The following RPS6KC1 variants were observed in gnomAD, a reference collection of about 807,000 sequenced individuals.
RPS6KC1 encodes the protein ribosomal protein S6 kinase C1.
In RPS6KC1, 54 loss-of-function variants were observed where a neutral mutation model predicts 103.8. That is an observed-to-expected ratio of 0.52 (90% CI 0.42 to 0.65). RPS6KC1 has a LOEUF of 0.65. RPS6KC1 is among the 30% of genes least tolerant of loss of function. The pLI is 0.00. For synonymous variants in RPS6KC1, 439 were observed against 438.7 expected, an observed-to-expected ratio of 1.00 and a Z score of -0.01; for missense variants, 1,151 against 1,253.8, an observed-to-expected ratio of 0.92 and a Z score of 1.24.
chr1:213,368,653 AG>A, the RPS6KC1 span, among the ~76,000 whole-genome samples: 1 of 152,184 alleles, frequency 6.6e-6, no homozygotes, highest in Non-Finnish European at 1.5e-5. Flanking sequence ...AGTTGACTGA[AG>A]CTGTAGCTTT....
the RPS6KC1 span, among the ~76,000 whole-genome samples, chr1:213,373,970 A>C: frequency 3.3e-5 from 5 of 152,256 alleles, no homozygotes; most frequent in Admixed American, 2.0e-4. Context: ...TTCTTGTTTC[A>C]TAGAGAGGTA....
the RPS6KC1 span, among the ~76,000 whole-genome samples, chr1:213,698,462 T>C: frequency 6.6e-6 from 1 of 152,228 alleles, no homozygotes; most frequent in South Asian, 2.1e-4. Context: ...TTCATTATCC[T>C]CTGGGATTGA....
chr1:213,253,503 A>G (rs2094580200), intron 12 of RPS6KC1, among the ~76,000 whole-genome samples: 1 of 152,196 alleles, frequency 6.6e-6, no homozygotes, highest in African/African-American at 2.4e-5. Flanking sequence ...CTTTATGGAA[A>G]CGTTTTCGAT....
intron 3 of RPS6KC1, among the ~76,000 whole-genome samples, chr1:213,080,640 C>T (rs138093038): frequency 1.8e-3 from 268 of 152,146 alleles, no homozygotes; most frequent in African/African-American, 6.0e-3. Flanking sequence ...TGGTGCAGTC[C>T]CACAGCCTCC....
chr1:213,622,317 C>T, the RPS6KC1 span, among the ~76,000 whole-genome samples: 7 of 150,292 alleles, frequency 4.7e-5, no homozygotes, highest in Non-Finnish European at 7.4e-5. Flanking sequence ...TTTTGCCAGT[C>T]GTGGAGGCCA....
intron 8 of RPS6KC1, among the ~76,000 whole-genome samples, chr1:213,178,144 C>T (rs2092007163): frequency 6.6e-6 from 1 of 151,356 alleles, no homozygotes; most frequent in East Asian, 1.9e-4. Context: ...CGTGGTCATG[C>T]CTCTGCACTC....
intron 2 of RPS6KC1, among the ~76,000 whole-genome samples, chr1:213,075,634 G>A (rs1458066049): frequency 6.6e-6 from 1 of 152,140 alleles, no homozygotes; most frequent in Non-Finnish European, 1.5e-5. Flanking sequence ...TGCTTCCTTA[G>A]TGTTCACTTC....
chr1:213,755,066 C>G, the RPS6KC1 span, among the ~76,000 whole-genome samples: 1 of 152,064 alleles, frequency 6.6e-6, no homozygotes, highest in African/African-American at 2.4e-5. Flanking sequence ...AGGTGATAGT[C>G]ATTATTAGGA....
the RPS6KC1 span, among the ~76,000 whole-genome samples, chr1:213,457,390 G>A: frequency 6.6e-6 from 1 of 152,234 alleles, no homozygotes; most frequent in Non-Finnish European, 1.5e-5. Flanking sequence ...TCCAGGGAAG[G>A]CCTATGGCAG....
the RPS6KC1 span, chr1:213,817,765 C>G: frequency 6.6e-6 from 1 of 151,906 alleles, no homozygotes; most frequent in African/African-American, 2.4e-5. Flanking sequence ...TTTTATTACA[C>G]TTTTCTTTAT....
chr1:213,669,104 A>G, the RPS6KC1 span, among the ~76,000 whole-genome samples: 1 of 152,058 alleles, frequency 6.6e-6, no homozygotes, highest in East Asian at 1.9e-4. Flanking sequence ...TGTGCTTTTA[A>G]TTTCCTTCAA....
At chr1:213,453,135 G>A in the RPS6KC1 span, among the ~76,000 whole-genome samples, 1 of 151,988 alleles carries the variant, frequency 6.6e-6, no homozygotes, top group Non-Finnish European at 1.5e-5. Flanking sequence ...GAAAGCATCT[G>A]GGTATACTTC....
the RPS6KC1 span, among the ~76,000 whole-genome samples, chr1:213,670,902 C>G: frequency 6.6e-6 from 1 of 152,210 alleles, no homozygotes; most frequent in African/African-American, 2.4e-5. Flanking sequence ...GTTTCCTCAA[C>G]AGTCTTGTGG....
the RPS6KC1 span, among the ~76,000 whole-genome samples, chr1:213,579,024 G>A: frequency 6.6e-6 from 1 of 152,034 alleles, no homozygotes; most frequent in African/African-American, 2.4e-5. Context: ...ATGTGTCGTG[G>A]GAGGGACCCT....
chr1:213,137,973 T>G (rs2086578451), intron 6 of RPS6KC1, among the ~76,000 whole-genome samples: 1 of 151,254 alleles, frequency 6.6e-6, no homozygotes, highest in African/African-American at 2.4e-5. Context: ...CATGGTATCT[T>G]TGTTTCCTAG....
chr1:213,782,961 T>C, the RPS6KC1 span, among the ~76,000 whole-genome samples: 3 of 152,188 alleles, frequency 2.0e-5, no homozygotes, highest in African/African-American at 4.8e-5. Flanking sequence ...TCCTCTGGCT[T>C]TCTTCCTAGC....
At chr1:213,086,303 G>A (rs754661214) in intron 3 of RPS6KC1, among the ~76,000 whole-genome samples, 7 of 152,140 alleles carry the variant, frequency 4.6e-5, no homozygotes, top group Admixed American at 6.5e-5. Context: ...TACTGCCTGC[G>A]GCTCCTTGCC....
the RPS6KC1 span, among the ~76,000 whole-genome samples, chr1:213,287,733 C>T: frequency 6.6e-6 from 1 of 152,130 alleles, no homozygotes; most frequent in Non-Finnish European, 1.5e-5. Flanking sequence ...GAATTAAGTA[C>T]TTCGTGAGAT....
chr1:213,772,741 C>G, the RPS6KC1 span, among the ~76,000 whole-genome samples: 1 of 152,100 alleles, frequency 6.6e-6, no homozygotes, highest in East Asian at 1.9e-4. Context: ...CTGAACACCC[C>G]GGAGGCAGGG....
Sources: allele counts gnomAD v4.1 joint callset (sites outside exome capture counted in the v4.1 genomes callset), GRCh38; gene constraint gnomAD v4.1.1; transcripts MANE v1.5; gene names NCBI Gene and HGNC (gene_info 2026-07-23, HGNC 2026-07-21).